Variants in LRIG3 observed in about 807,000 individuals in gnomAD.
The protein encoded by LRIG3 is leucine rich repeats and immunoglobulin like domains 3, also known as leucine-rich repeats and immunoglobulin-like domains protein 3.
Under a neutral mutation model 114.5 loss-of-function variants are expected in LRIG3, and 76 were observed. The ratio of observed to expected loss-of-function variants is 0.66; its 90% CI spans 0.55 to 0.80. The LOEUF (loss-of-function observed/expected upper bound fraction) is 0.80, where lower values mean the gene tolerates loss of function less well. Ranked by LOEUF, LRIG3 falls within the 30% of genes least tolerant of loss-of-function variation. LRIG3 has a pLI of 0.00. For synonymous variants in LRIG3, 512 were observed against 519.8 expected (o/e 0.98, Z 0.20); for missense variants, 1,239 against 1,382.8 (o/e 0.90, Z 1.65).
At chr12:58,894,892 T>G (rs918446004) in intron 3 of LRIG3, among the ~76,000 whole-genome samples, 2 of 152,178 alleles carry the variant, frequency 1.3e-5, no homozygotes, top group African/African-American at 4.8e-5. Context: ...GGGAGTTCCA[T>G]GGTTAACTAA....
Position 58,874,237 on chromosome 12 carries a change from T to G in LRIG3, c.2933A>C (p.Glu978Ala). Residue 978 changes from glutamate (E) to alanine (A), a missense_variant, in exon 18 of 19, where the codon GAA (glutamate) becomes GCA (alanine). Glu to Ala is a moderately radical substitution (Grantham distance 107). Coordinates refer to ENST00000320743, the MANE Select transcript of LRIG3 (RefSeq NM_153377.5). ...KECYPCSHPS[E>A]ESCERSFSNI... ...ACTGAAGCTCCGTTCGCAGGATTCTTCTGAAGGATGAGAACATGGGTAGCA... is the reference window on the plus strand; with the variant it reads ...ACTGAAGCTCCGTTCGCAGGATTCTGCTGAAGGATGAGAACATGGGTAGCA... 6.2e-7 allele frequency: 1 copy of G among 1,614,196 alleles called. No homozygotes were observed. The highest frequency in any genetic ancestry group is 8.5e-7 in the Non-Finnish European group (1 of 1,180,020).
intron 3 of LRIG3, among the ~76,000 whole-genome samples, chr12:58,897,362 G>T (rs1272846276): frequency 6.6e-6 from 1 of 152,114 alleles, no homozygotes; most frequent in Non-Finnish European, 1.5e-5. Flanking sequence ...ACATAATAAA[G>T]ATGGCCATGT....
chr12:58,883,103 T>A, intron 11 of LRIG3, 71 bp from the exon 12 acceptor site: 1 of 1,444,630 alleles, frequency 6.9e-7, no homozygotes, highest in Non-Finnish European at 9.4e-7. Context: ...TAAACCCAAG[T>A]AAATATTAAC....
chr12:58,881,847 C>A (rs928907944), intron 12 of LRIG3, among the ~76,000 whole-genome samples: 20 of 152,068 alleles, frequency 1.3e-4, no homozygotes, highest in African/African-American at 4.6e-4. Flanking sequence ...TCTAATAAAT[C>A]GATGTTCAGA....
intron 9 of LRIG3, 145 bp downstream of exon 9, chr12:58,886,665 C>T (rs1422728877): frequency 6.8e-6 from 4 of 583,976 alleles, no homozygotes; most frequent in Admixed American, 6.5e-5. Context: ...CAACAGCAGG[C>T]ATTTGGGGAG....
chr12:58,894,467 C>G (rs377428590), intron 3 of LRIG3, among the ~76,000 whole-genome samples: 1 of 151,752 alleles, frequency 6.6e-6, no homozygotes, highest in East Asian at 1.9e-4. Context: ...ATAAAGGGGG[C>G]TAAAAATGGG....
chr12:58,918,936 C>A (rs1435074636), intron 1 of LRIG3, among the ~76,000 whole-genome samples: 3 of 152,186 alleles, frequency 2.0e-5, no homozygotes, highest in African/African-American at 7.2e-5. Flanking sequence ...AATATAAATT[C>A]TTAAACACCT....
chr12:58,888,101 C>T (rs1018282390), intron 7 of LRIG3, among the ~76,000 whole-genome samples, 169 bp from the exon 8 acceptor site: 2 of 152,166 alleles, frequency 1.3e-5, no homozygotes, highest in African/African-American at 4.8e-5. Context: ...AAAATACGTT[C>T]TCTTTACTTG....
intron 3 of LRIG3, among the ~76,000 whole-genome samples, chr12:58,900,246 G>A (rs1050221848): frequency 4.7e-5 from 7 of 150,422 alleles, no homozygotes; most frequent in African/African-American, 1.7e-4. Context: ...CATCTTTATA[G>A]GTTCTAAATT....
intron 3 of LRIG3, among the ~76,000 whole-genome samples, chr12:58,909,421 A>T (rs1197647069): frequency 6.6e-6 from 1 of 152,116 alleles, no homozygotes; most frequent in Admixed American, 6.5e-5. Context: ...AACTGATGTT[A>T]TCTTTTCTTT....
Position 58,886,650 on chromosome 12 carries a change from T to G in LRIG3, c.1172+160A>C, listed in dbSNP as rs185883740. Among the ~76,000 whole-genome samples, 361 of 152,268 alleles carry G rather than the reference T, an allele frequency of 2.4e-3. 1 individual carries two copies. Among genetic ancestry groups the G allele is most frequent in the Middle Eastern group, 0.01 (3 of 294 alleles). ...GAAGAAAAAGTTAATAATATACATCTTGCGCAACAGCAGGCATTTGGGGAG... is the reference window on the plus strand; with the variant it reads ...GAAGAAAAAGTTAATAATATACATCGTGCGCAACAGCAGGCATTTGGGGAG... On this transcript the variant is annotated intron_variant, in intron 9 of 18. Transcript: ENST00000320743.
chr12:58,919,446 G>C (rs1212987747), intron 1 of LRIG3: 1 of 1,551,622 alleles, frequency 6.4e-7, no homozygotes, highest in South Asian at 1.2e-5. Flanking sequence ...ATGTGAAAAA[G>C]CAAGCAGAGG....
intron 3 of LRIG3, among the ~76,000 whole-genome samples, chr12:58,897,292 A>G (rs1389259027): frequency 6.6e-6 from 1 of 152,238 alleles, no homozygotes. Flanking sequence ...GAAGCAAAGA[A>G]TCAGTTCTTT....
At chr12:58,914,432 G>T (rs1872402041) in intron 1 of LRIG3, 96 bp from the exon 2 acceptor site, 1 of 920,008 alleles carries the variant, frequency 1.1e-6, no homozygotes, top group East Asian at 2.4e-5. Flanking sequence ...ACCAGTGAGA[G>T]CAGGAGAAAT....
Position 58,877,518 on chromosome 12 carries a change from G to A in LRIG3, c.2418C>T (p.Ala806=), listed in dbSNP as rs776000768. The A allele has an allele frequency of 6.2e-6, 10 of 1,614,086 alleles. No homozygotes were observed. Among genetic ancestry groups the A allele is most frequent in the Non-Finnish European group, 2.5e-6 (3 of 1,180,046 alleles). ...CGGCTATGATCACGACACCCACAGTGGCCCATCCGTCATCGTCTAACGATG... is the reference window on the plus strand; with the variant it reads ...CGGCTATGATCACGACACCCACAGTAGCCCATCCGTCATCGTCTAACGATG... ...TAPSLDDDGW[A]TVGVVIIAVV... The change falls in exon 15 of 19, where the codon GCC becomes GCT. Residue 806 remains alanine, a synonymous_variant. Coordinates refer to ENST00000320743, the MANE Select transcript of LRIG3 (RefSeq NM_153377.5).
At chr12:58,879,826 C>T (rs1408216571) in intron 13 of LRIG3, among the ~76,000 whole-genome samples, 2 of 152,196 alleles carry the variant, frequency 1.3e-5, no homozygotes, top group East Asian at 1.9e-4. Context: ...GGGGCAGGTC[C>T]TATTATCCCT....
At chr12:58,890,308 G>A (rs959890499) in intron 4 of LRIG3, among the ~76,000 whole-genome samples, 169 bp from the exon 5 acceptor site, 12 of 152,222 alleles carry the variant, frequency 7.9e-5, no homozygotes, top group Non-Finnish European at 1.0e-4. Flanking sequence ...ACATATTGCT[G>A]GGAAAAGAGT....
chr12:58,902,969 T>A (rs140182123), intron 3 of LRIG3, among the ~76,000 whole-genome samples: 1,949 of 152,278 alleles, frequency 0.013, 32 homozygotes, highest in East Asian at 0.088. Context: ...CAGTCTATCA[T>A]TGTTGGACAC....
In LRIG3 at chr12:58,890,063, T is replaced by C. The variant is rs1784699650; in HGVS notation, c.592A>G (p.Lys198Glu). 6.2e-7 allele frequency: 1 copy of C among 1,613,942 alleles called. No individual in the cohort carries two copies. Among genetic ancestry groups the C allele is most frequent in the Non-Finnish European group, 8.5e-7 (1 of 1,179,890 alleles). ...DNLANTLLVL[K>E]LNRNRISAIP... is the part of the protein sequence containing the mutation. Reference sequence around the variant, plus strand: ...GCTGAGATTCGGTTCCTGTTCAGCTTTAACACAAGGAGTGTGTTGGCCAAA... The same window carrying C: ...GCTGAGATTCGGTTCCTGTTCAGCTCTAACACAAGGAGTGTGTTGGCCAAA... The change falls in exon 5 of 19, where the codon AAG (lysine) becomes GAG (glutamate). Residue 198 changes from lysine to glutamate, a missense_variant. Transcript: ENST00000320743.
Sources: allele counts gnomAD v4.1 joint callset (sites outside exome capture counted in the v4.1 genomes callset), GRCh38; gene constraint gnomAD v4.1.1; transcripts MANE v1.5; gene names NCBI Gene and HGNC (gene_info 2026-07-23, HGNC 2026-07-21).